The following PDE5A variants were observed in gnomAD, a reference collection of about 807,000 sequenced individuals.
The protein encoded by PDE5A is cGMP-specific 3',5'-cyclic phosphodiesterase.
PDE5A carries 67 observed loss-of-function variants against 110.2 expected under a neutral mutation model. That is an observed-to-expected ratio of 0.61 (90% CI 0.50 to 0.75). The LOEUF is 0.75. Ranked by LOEUF, PDE5A falls within the 30% of genes least tolerant of loss-of-function variation. PDE5A has a pLI of 0.00. For synonymous variants in PDE5A, 328 were observed against 351.2 expected, an observed-to-expected ratio of 0.93 and a Z score of 0.74; for missense variants, 862 against 1,045.1, an observed-to-expected ratio of 0.82 and a Z score of 2.42.
At chr4:119,559,135 A>T (rs1727651504) in intron 7 of PDE5A, among the ~76,000 whole-genome samples, 1 of 152,134 alleles carries the variant, frequency 6.6e-6, no homozygotes, top group East Asian at 1.9e-4. Context: ...AAGTGGAAAG[A>T]TCCTTTCCAT....
intron 3 of PDE5A, among the ~76,000 whole-genome samples, chr4:119,591,117 CA>C (rs1404245998): frequency 1.3e-5 from 2 of 152,162 alleles, no homozygotes; most frequent in African/African-American, 2.4e-5. Flanking sequence ...TAGACTATGT[CA>C]GGGGCTGTGT....
rs1196076776 is a variant in PDE5A, at chr4:119,552,305, A to G, written c.1396+245T>C. 1.2e-5 allele frequency: 3 copies of G among 257,824 alleles called. No homozygotes were observed. The East Asian group carries it at 2.5e-4, about 21-fold the overall frequency. 16.0% of individuals were successfully genotyped at this position (257,824 alleles called of 1,614,324 possible). On this transcript the variant is annotated intron_variant, in intron 9 of 20. Transcript: ENST00000354960. ...CTTATACAGTCTACCAAATTTCAAT[A>G]CATCATCAATCATTCTTAAACAAAA...
At chr4:119,548,325 G>A (rs1727212089) in intron 9 of PDE5A, 1 of 152,168 alleles carries the variant, frequency 6.6e-6, no homozygotes, top group African/African-American at 2.4e-5. Flanking sequence ...TGGGATTACA[G>A]GCGTGAGCCA....
At chr4:119,574,885 G>C (rs985137586) in intron 3 of PDE5A, among the ~76,000 whole-genome samples, 1 of 152,184 alleles carries the variant, frequency 6.6e-6, no homozygotes, top group East Asian at 1.9e-4. Context: ...GGACTGATTA[G>C]GGAATTAGTT....
In PDE5A at chr4:119,542,445, T is replaced by C. The variant is rs772230133; in HGVS notation, c.1572+14A>G. The stretch of plus-strand genomic sequence containing the variant: ...TTGGCTGTACAGTGTGAGAGGTCCC[T>C]AAACTTCACCCACCTCCAATGTGAC... On this transcript the variant is annotated intron_variant, in intron 10 of 20. Transcript: ENST00000354960. 7 of 1,612,536 alleles carry C rather than the reference T, an allele frequency of 4.3e-6. No homozygotes were observed. Among genetic ancestry groups the C allele is most frequent in the Non-Finnish European group, 5.9e-6 (7 of 1,178,874 alleles).
intron 10 of PDE5A, among the ~76,000 whole-genome samples, chr4:119,541,082 AGTGCGG>A (rs1362625773): frequency 6.6e-6 from 1 of 152,060 alleles, no homozygotes; most frequent in Non-Finnish European, 1.5e-5. Context: ...AGTGCAGAGG[AGTGCGG>A]TGGGAATGGA....
At chr4:119,541,382 CAT>C (rs1178809077) in intron 10 of PDE5A, among the ~76,000 whole-genome samples, 3 of 151,496 alleles carry the variant, frequency 2.0e-5, no homozygotes, top group Non-Finnish European at 2.9e-5. Flanking sequence ...TATTTGAACA[CAT>C]ATGTACATGT....
chr4:119,498,837 T>A (rs1725187466), intron 20 of PDE5A, 99 bp from the exon 21 acceptor site: 1 of 1,248,004 alleles, frequency 8.0e-7, no homozygotes, highest in African/African-American at 1.5e-5. Context: ...ACTCATTTCA[T>A]AAGCAGACTC....
At chr4:119,592,620 G>A (rs990744021) in intron 3 of PDE5A, among the ~76,000 whole-genome samples, 2 of 152,042 alleles carry the variant, frequency 1.3e-5, no homozygotes, top group African/African-American at 2.4e-5. Context: ...ATTATCAGTT[G>A]AGCATCCCTA....
chr4:119,611,293 G>A (rs977191885), intron 1 of PDE5A, among the ~76,000 whole-genome samples: 2 of 152,128 alleles, frequency 1.3e-5, no homozygotes, highest in East Asian at 1.9e-4. Flanking sequence ...TTTCATTAGT[G>A]CTACGTGTTC....
In PDE5A at chr4:119,511,138, A is replaced by C. The variant is rs1207583254; in HGVS notation, c.2001-4T>G. 1 of 1,596,142 alleles carries C rather than the reference A, an allele frequency of 6.3e-7. No homozygotes were observed. Among genetic ancestry groups the C allele is most frequent in the Admixed American group, 1.7e-5 (1 of 59,802 alleles). On this transcript the variant is annotated splice_region_variant and splice_polypyrimidine_tract_variant and intron_variant, in intron 14 of 20. Coordinates refer to ENST00000354960, the MANE Select transcript of PDE5A (RefSeq NM_001083.4). ...CTGGGCAAGTGGATGTTCACTTCTG[A>C]AAGTATTTTGTTGAAGAAAGGAAAA...
chr4:119,617,825 C>T (rs1247185975), intron 1 of PDE5A, among the ~76,000 whole-genome samples: 2 of 152,096 alleles, frequency 1.3e-5, no homozygotes, highest in East Asian at 1.9e-4. Context: ...GGCCTAGTAC[C>T]GAAATTTTCA....
intron 1 of PDE5A, among the ~76,000 whole-genome samples, chr4:119,617,433 T>C (rs1000258965): frequency 1.3e-5 from 2 of 152,144 alleles, no homozygotes; most frequent in Non-Finnish European, 2.9e-5. Flanking sequence ...ATAACTTTAC[T>C]TTCTACCAAA....
At chr4:119,622,184 AAAAG>A (rs1730174547) in intron 1 of PDE5A, among the ~76,000 whole-genome samples, 1 of 151,972 alleles carries the variant, frequency 6.6e-6, no homozygotes, top group Non-Finnish European at 1.5e-5. Flanking sequence ...AAAAAAAAAA[AAAAG>A]AAAAGAAAAA....
chr4:119,539,088 C>G, intron 10 of PDE5A, 69 bp from the exon 11 acceptor site: 1 of 1,150,794 alleles, frequency 8.7e-7, no homozygotes, highest in East Asian at 2.3e-5. Flanking sequence ...GAACTTCAAG[C>G]TTGGAATTCT....
In PDE5A at chr4:119,502,614, G is replaced by C. The variant is rs945121554; in HGVS notation, c.2373C>G (p.Asp791Glu). The C allele has an allele frequency of 3.1e-6, 5 of 1,606,162 alleles. No individual in the cohort carries two copies. The highest frequency in any genetic ancestry group is 3.4e-6 in the Non-Finnish European group (4 of 1,173,490). ...CTATGTTGAGTTCTTTTCTCTCTCT[G>C]TCTCCTTGATCAAAAAATTCAGTTG... The part of the protein sequence containing the change: ...LVATEFFDQG[D>E]RERKELNIEP... The change falls in exon 19 of 21, where the codon GAC (aspartate) becomes GAG (glutamate). Residue 791 changes from aspartate to glutamate, a missense_variant. Asp to Glu is a conservative substitution (Grantham distance 45, BLOSUM62 2). Coordinates refer to ENST00000354960, the MANE Select transcript of PDE5A (RefSeq NM_001083.4).
At position 119,528,041 on chromosome 4, in the gene PDE5A, A is replaced by C. The variant is rs1377725233; in HGVS notation, c.1633-2346T>G. On this transcript the variant is annotated intron_variant, in intron 11 of 20. Coordinates refer to ENST00000354960, the MANE Select transcript of PDE5A (RefSeq NM_001083.4). Reference sequence around the variant, plus strand: ...CTATGGTTTTAATGTCAAATTAACCAAATATGGAATGCAAAAAAAAAATAA... The same window carrying C: ...CTATGGTTTTAATGTCAAATTAACCCAATATGGAATGCAAAAAAAAAATAA... Among the ~76,000 whole-genome samples the C allele has an allele frequency of 1.4e-4, 18 of 130,094 alleles. No individual in the cohort carries two copies. The Admixed American group carries it at 1.5e-3, about 11-fold the overall frequency. 85.3% of individuals were successfully genotyped at this position (130,094 alleles called of 152,430 possible).
intron 4 of PDE5A, among the ~76,000 whole-genome samples, chr4:119,566,228 G>C (rs1254170128): frequency 6.6e-6 from 1 of 152,018 alleles, no homozygotes; most frequent in Non-Finnish European, 1.5e-5. Flanking sequence ...ATGTTCTGAA[G>C]CAATTATAAC....
intron 1 of PDE5A, among the ~76,000 whole-genome samples, chr4:119,624,517 G>A (rs910301888): frequency 1.3e-5 from 2 of 152,178 alleles, no homozygotes; most frequent in African/African-American, 4.8e-5. Flanking sequence ...ATATGGGAGT[G>A]TAAAACGTCT....
Sources: gnomAD v4.1 joint callset for allele counts (sites outside exome capture counted in the v4.1 genomes callset) on GRCh38, gnomAD v4.1.1 for gene constraint, MANE v1.5 for transcripts, NCBI Gene and HGNC (gene_info 2026-07-23, HGNC 2026-07-21) for gene names.